Variants in PRR16 observed in about 807,000 individuals in gnomAD.
PRR16 encodes the protein proline rich 16.
A neutral mutation model predicts 18.2 loss-of-function variants in PRR16; 6 were observed. That is an observed-to-expected ratio of 0.33 (90% CI 0.18 to 0.65). The LOEUF (loss-of-function observed/expected upper bound fraction) is 0.65, where lower values mean the gene tolerates loss of function less well. PRR16 is among the 30% of genes least tolerant of loss of function. The pLI is 0.74. For synonymous variants in PRR16, 151 were observed against 147.8 expected (o/e 1.02, Z -0.16); for missense variants, 412 against 376.6 (o/e 1.09, Z -0.78).
intron 1 of PRR16, among the ~76,000 whole-genome samples, chr5:120,506,934 G>T (rs192854896): frequency 2.6e-5 from 4 of 152,234 alleles, no homozygotes; most frequent in Admixed American, 2.0e-4. Flanking sequence ...GCTAATGGGG[G>T]TCAGTATTTT....
At chr5:120,701,729 A>C in the PRR16 span, among the ~76,000 whole-genome samples, 1 of 152,072 alleles carries the variant, frequency 6.6e-6, no homozygotes, top group Non-Finnish European at 1.5e-5. Context: ...GTTGGTACTG[A>C]GGGGATAGAC....
chr5:120,537,869 C>T (rs1030956447), intron 1 of PRR16, among the ~76,000 whole-genome samples: 1 of 149,106 alleles, frequency 6.7e-6, no homozygotes, highest in African/African-American at 2.5e-5. Context: ...CTCCGCCTCC[C>T]GGGTTCACGC....
At chr5:120,577,810 A>G (rs1753129529) in intron 1 of PRR16, among the ~76,000 whole-genome samples, 1 of 152,148 alleles carries the variant, frequency 6.6e-6, no homozygotes, top group Non-Finnish European at 1.5e-5. Context: ...TATTCATTTA[A>G]TTTTCCCAGC....
rs1483614773 is a variant in PRR16, at chr5:120,628,703, T to A, written c.160-57251T>A. Among the ~76,000 whole-genome samples, 29 of 46,418 alleles carry A rather than the reference T, an allele frequency of 6.2e-4. 1 individual carries two copies. In the East Asian group the frequency reaches 0.12, roughly 186 times the overall value. The allele number at this position is 46,418 out of a possible 152,430, so 30.5% of individuals were successfully genotyped here. A position where few individuals can be genotyped will look rare whatever the true frequency, so the allele number is the denominator to read the frequency against. On this transcript the variant is annotated intron_variant, in intron 1 of 1. Transcript: ENST00000407149. Reference sequence around the variant, plus strand: ...TCTATCTATCATTCTACCATCTATCTATCTATCTATCTATCTATCTATCTA... The same window carrying A: ...TCTATCTATCATTCTACCATCTATCAATCTATCTATCTATCTATCTATCTA...
At chr5:120,693,250 G>T in the PRR16 span, among the ~76,000 whole-genome samples, 1 of 151,932 alleles carries the variant, frequency 6.6e-6, no homozygotes, top group Non-Finnish European at 1.5e-5. Context: ...TACTCAACCA[G>T]GTTTGAGATT....
At chr5:120,505,946 G>A (rs200626020) in intron 1 of PRR16, among the ~76,000 whole-genome samples, 16 of 141,314 alleles carry the variant, frequency 1.1e-4, no homozygotes, top group South Asian at 9.0e-4. Flanking sequence ...GTGTGTGTGT[G>A]TATATATATA....
At chr5:120,769,161 G>A in the PRR16 span, among the ~76,000 whole-genome samples, 39,921 of 150,750 alleles carry the variant, frequency 0.26, 5,598 homozygotes, top group Non-Finnish European at 0.3. Flanking sequence ...TTTAGTCCTC[G>A]GAACAACACT....
At chr5:120,508,790 C>G (rs765826244) in intron 1 of PRR16, among the ~76,000 whole-genome samples, 1 of 152,066 alleles carries the variant, frequency 6.6e-6, no homozygotes, top group African/African-American at 2.4e-5. Context: ...AGGACAATAG[C>G]TATCATACAA....
the PRR16 span, among the ~76,000 whole-genome samples, chr5:120,754,401 T>TTATACTACATAGTATATATTATATAATA: frequency 9.4e-4 from 63 of 67,210 alleles, 2 homozygotes; most frequent in African/African-American, 4.0e-3. Context: ...ATGTTATATA[T>TTATACTACATAGTATATATTATATAATA]TATACTATAT....
chr5:120,687,621 A>T (rs1757161555), downstream of PRR16, among the ~76,000 whole-genome samples: 2 of 152,156 alleles, frequency 1.3e-5, no homozygotes, highest in Non-Finnish European at 2.9e-5. Flanking sequence ...TGCCTCCTGC[A>T]TTAGCAAGCT....
intron 1 of PRR16, among the ~76,000 whole-genome samples, chr5:120,526,663 G>T (rs1751364605): frequency 6.6e-6 from 1 of 152,182 alleles, no homozygotes; most frequent in Admixed American, 6.5e-5. Flanking sequence ...AAGTGCAATA[G>T]TTGGTTAAAT....
rs531289838 is a variant in PRR16 at position 120,503,909 on chromosome 5, G to T, written c.159+39264G>T. Reference sequence around the variant, plus strand: ...GCAGTGTTTGGTTTTTTGTCCTTGTGATAGTTTACTGAGAATCATGATTTC... The same window carrying T: ...GCAGTGTTTGGTTTTTTGTCCTTGTTATAGTTTACTGAGAATCATGATTTC... On this transcript the variant is annotated intron_variant, in intron 1 of 1. Transcript: ENST00000407149. 6.6e-5 allele frequency among the ~76,000 whole-genome samples: 10 copies of T among 151,784 alleles called. No individual in the cohort carries two copies. The South Asian group carries it at 2.1e-3, about 32-fold the overall frequency.
intron 1 of PRR16, among the ~76,000 whole-genome samples, chr5:120,536,515 A>G (rs948370250): frequency 1.3e-5 from 2 of 152,150 alleles, no homozygotes; most frequent in African/African-American, 4.8e-5. Flanking sequence ...TCTTTTTTTT[A>G]AAAGTTAAGT....
At chr5:120,465,447 C>T (rs1168085839) in intron 1 of PRR16, among the ~76,000 whole-genome samples, 2 of 152,222 alleles carry the variant, frequency 1.3e-5, no homozygotes, top group Non-Finnish European at 2.9e-5. Context: ...GGGACTGCTT[C>T]GGTTCTTCCC....
chr5:120,662,843 T>C (rs1447736558), intron 1 of PRR16, among the ~76,000 whole-genome samples: 1 of 152,210 alleles, frequency 6.6e-6, no homozygotes, highest in South Asian at 2.1e-4. Context: ...CCTGGGGACC[T>C]TGGGGGCAGG....
chr5:120,691,173 C>G (rs1016895054), downstream of PRR16, among the ~76,000 whole-genome samples: 12 of 152,146 alleles, frequency 7.9e-5, no homozygotes, highest in African/African-American at 2.7e-4. Flanking sequence ...GTTGGGCTGG[C>G]ATTTTGTGCT....
intron 1 of PRR16, among the ~76,000 whole-genome samples, chr5:120,516,907 G>A (rs932944139): frequency 6.6e-6 from 1 of 151,966 alleles, no homozygotes; most frequent in African/African-American, 2.4e-5. Flanking sequence ...AGCAGGCTTT[G>A]TCAGGCAGGG....
At chr5:120,493,695 A>G (rs1750144701) in intron 1 of PRR16, among the ~76,000 whole-genome samples, 1 of 152,176 alleles carries the variant, frequency 6.6e-6, no homozygotes, top group Non-Finnish European at 1.5e-5. Flanking sequence ...TACTGTTGAC[A>G]TAGACTTCCT....
chr5:120,726,681 T>G, the PRR16 span, among the ~76,000 whole-genome samples: 1 of 152,072 alleles, frequency 6.6e-6, no homozygotes, highest in Non-Finnish European at 1.5e-5. Context: ...AAGGAGTACT[T>G]GCTTTTGGTT....
Sources: allele counts gnomAD v4.1 joint callset (sites outside exome capture counted in the v4.1 genomes callset), GRCh38; gene constraint gnomAD v4.1.1; transcripts MANE v1.5; gene names NCBI Gene and HGNC (gene_info 2026-07-23, HGNC 2026-07-21).